The following RANBP2 variants were observed in gnomAD, a reference collection of about 807,000 sequenced individuals.
The protein encoded by RANBP2 is E3 SUMO-protein ligase RanBP2.
A neutral mutation model predicts 303.6 loss-of-function variants in RANBP2; 57 were observed. The ratio of observed to expected loss-of-function variants is 0.19; its 90% CI spans 0.15 to 0.23. RANBP2 has a LOEUF of 0.23. RANBP2 is among the 10% of genes least tolerant of loss of function. The probability of loss-of-function intolerance (pLI) is 1.00; values close to 1 mark genes in which losing one functional copy is unlikely to be tolerated. For missense variants in RANBP2, 3,138 were observed against 3,780.8 expected (o/e 0.83, Z 4.46); for synonymous variants, 1,167 against 1,301.5 (o/e 0.90, Z 2.23).
At chr2:109,545,696 A>ATGG in the RANBP2 span, 3 of 1,459,934 alleles carry the variant, frequency 2.1e-6, no homozygotes, top group Admixed American at 7.2e-5. Flanking sequence ...AAAATAACTC[A>ATGG]TGGTAGGTCA....
the RANBP2 span, among the ~76,000 whole-genome samples, chr2:109,700,319 C>T: frequency 0.017 from 2,563 of 152,264 alleles, 73 homozygotes; most frequent in African/African-American, 0.058. Context: ...GTGATACAGC[C>T]TCAGGAAGTC....
At chr2:109,141,294 G>A in the RANBP2 span, among the ~76,000 whole-genome samples, 56 of 152,290 alleles carry the variant, frequency 3.7e-4, no homozygotes, top group African/African-American at 1.2e-3. Context: ...GTGCTCTGTC[G>A]GCTTTTGCAG....
the RANBP2 span, among the ~76,000 whole-genome samples, chr2:109,007,863 T>C: frequency 1.5e-5 from 1 of 68,362 alleles, no homozygotes; most frequent in Non-Finnish European, 2.8e-5. Flanking sequence ...TCTTGCATGC[T>C]CACATAATCA....
the RANBP2 span, among the ~76,000 whole-genome samples, chr2:109,621,785 C>A: frequency 4.2e-3 from 637 of 152,090 alleles, 2 homozygotes; most frequent in Admixed American, 6.7e-3. Context: ...TAGTGGTGGG[C>A]ACATGTAATC....
chr2:109,573,723 G>A, the RANBP2 span, among the ~76,000 whole-genome samples: 102 of 152,198 alleles, frequency 6.7e-4, no homozygotes, highest in African/African-American at 2.3e-3. Context: ...AAATTCTAAC[G>A]TTTCTTTAAT....
the RANBP2 span, among the ~76,000 whole-genome samples, chr2:109,213,419 A>G: frequency 6.6e-6 from 1 of 152,196 alleles, no homozygotes; most frequent in East Asian, 1.9e-4. Context: ...TTTATTAGGG[A>G]AGAAAGTGTT....
At chr2:108,854,023 TTTATA>T in the RANBP2 span, among the ~76,000 whole-genome samples, 2 of 109,062 alleles carry the variant, frequency 1.8e-5, no homozygotes, top group Non-Finnish European at 3.5e-5. Context: ...ATATAATAAA[TTTATA>T]TTATATATAA....
the RANBP2 span, among the ~76,000 whole-genome samples, chr2:109,735,314 T>C: frequency 2.0e-5 from 3 of 152,228 alleles, no homozygotes; most frequent in South Asian, 6.2e-4. Flanking sequence ...TCTAGGTTCA[T>C]TCACGTTGTT....
the RANBP2 span, among the ~76,000 whole-genome samples, chr2:108,968,042 C>T: frequency 6.6e-6 from 1 of 152,110 alleles, no homozygotes; most frequent in African/African-American, 2.4e-5. Context: ...GGACATGCGC[C>T]CACTGTCCCA....
chr2:109,614,361 C>A, the RANBP2 span: 6 of 795,532 alleles, frequency 7.5e-6, no homozygotes, highest in Non-Finnish European at 1.0e-5. Context: ...GTCCTCTGGC[C>A]TCAGACGCGT....
At chr2:108,762,901 A>G (rs539681139) in intron 19 of RANBP2, among the ~76,000 whole-genome samples, 1 of 152,282 alleles carries the variant, frequency 6.6e-6, no homozygotes, top group South Asian at 2.1e-4. Flanking sequence ...TTAAGATGCT[A>G]TACATAATTT....
At chr2:109,431,476 G>A in the RANBP2 span, among the ~76,000 whole-genome samples, 9 of 152,158 alleles carry the variant, frequency 5.9e-5, no homozygotes, top group Non-Finnish European at 1.2e-4. Flanking sequence ...AAAGATATAG[G>A]TATAGTTAAG....
the RANBP2 span, among the ~76,000 whole-genome samples, chr2:109,161,243 C>T: frequency 6.6e-6 from 1 of 152,180 alleles, no homozygotes; most frequent in African/African-American, 2.4e-5. Context: ...ATAAGTCAGG[C>T]ACGAGTATGC....
the RANBP2 span, among the ~76,000 whole-genome samples, chr2:109,390,794 G>T: frequency 3.9e-5 from 6 of 152,140 alleles, no homozygotes; most frequent in Admixed American, 2.6e-4. Flanking sequence ...TCGCTTCCCG[G>T]GCTACCCACT....
chr2:109,518,924 T>TG, the RANBP2 span, among the ~76,000 whole-genome samples: 4 of 147,642 alleles, frequency 2.7e-5, no homozygotes, highest in African/African-American at 1.0e-4. Flanking sequence ...TCTTTTTTTT[T>TG]TTTTTTTTTT....
downstream of RANBP2, among the ~76,000 whole-genome samples, chr2:108,786,238 A>G (rs1157722548): frequency 2.0e-5 from 3 of 147,818 alleles, no homozygotes; most frequent in Non-Finnish European, 4.5e-5. Flanking sequence ...TGCAATGTCT[A>G]TGCTCAGCTT....
chr2:108,962,122 AG>A, the RANBP2 span, among the ~76,000 whole-genome samples: 30 of 152,314 alleles, frequency 2.0e-4, no homozygotes, highest in South Asian at 6.0e-3. Context: ...GAACTCTGGT[AG>A]GGTAGCATGT....
chr2:109,566,032 AAG>A, the RANBP2 span, among the ~76,000 whole-genome samples: 1 of 152,176 alleles, frequency 6.6e-6, no homozygotes, highest in Non-Finnish European at 1.5e-5. Context: ...ACTGTTCTAC[AAG>A]AGTCATCTTT....
chr2:109,306,529 G>A, the RANBP2 span, among the ~76,000 whole-genome samples: 1 of 152,224 alleles, frequency 6.6e-6, no homozygotes, highest in African/African-American at 2.4e-5. Context: ...TCTCCGACCT[G>A]CCCTTGTGGA....
Sources: gnomAD v4.1 joint callset for allele counts (sites outside exome capture counted in the v4.1 genomes callset) on GRCh38, gnomAD v4.1.1 for gene constraint, MANE v1.5 for transcripts, NCBI Gene and HGNC (gene_info 2026-07-23, HGNC 2026-07-21) for gene names.